GUCY2C: variants seen among roughly 807,000 people sequenced by gnomAD.
The protein encoded by GUCY2C is guanylate cyclase 2C.
A neutral mutation model predicts 131.1 loss-of-function variants in GUCY2C; 118 were observed. That is an observed-to-expected ratio of 0.90 (90% CI 0.78 to 1.05). The LOEUF (loss-of-function observed/expected upper bound fraction) is 1.05, where lower values mean the gene tolerates loss of function less well. Among genes scored for constraint, GUCY2C ranks in the 50% least tolerant of loss-of-function variants. GUCY2C has a pLI of 0.00. For synonymous variants in GUCY2C, 452 were observed against 457.8 expected (o/e 0.99, Z 0.16); for missense variants, 1,161 against 1,304.4 (o/e 0.89, Z 1.69).
chr12:14,664,126 A>G (rs563258007), intron 10 of GUCY2C, among the ~76,000 whole-genome samples: 5 of 152,276 alleles, frequency 3.3e-5, no homozygotes, highest in Non-Finnish European at 7.3e-5. Context: ...GAAATTTTCA[A>G]TGGTGAAAAT....
chr12:14,655,824 A>G (rs941450296), intron 12 of GUCY2C, among the ~76,000 whole-genome samples: 1 of 152,206 alleles, frequency 6.6e-6, no homozygotes, highest in African/African-American at 2.4e-5. Context: ...CACAGTGCTC[A>G]GGAGAAGATG....
At chr12:14,683,948 T>A (rs1415670720) in intron 3 of GUCY2C, among the ~76,000 whole-genome samples, 1 of 152,210 alleles carries the variant, frequency 6.6e-6, no homozygotes, top group Non-Finnish European at 1.5e-5. Flanking sequence ...CCCAGCATCA[T>A]ACCATTGATT....
At chr12:14,643,810 C>G in intron 16 of GUCY2C, 104 bp from the exon 17 acceptor site, 1 of 957,808 alleles carries the variant, frequency 1.0e-6, no homozygotes, top group Non-Finnish European at 1.6e-6. Context: ...AGCAGATGGT[C>G]ACACCATCAG....
At position 14,681,477 on chromosome 12, in the gene GUCY2C, C is replaced by G; in HGVS notation, c.612G>C (p.Trp204Cys). ...CGCTAGCCTCCAGAGCATTAAGGTA[C>G]CTGGAATAGGAAAAAGAGAAACTAA... is the stretch of plus-strand genomic sequence containing the variant. The part of the protein sequence containing the change: ...KNGTETEDCF[W>C]YLNALEASVS... The change falls in exon 5 of 27, where the codon TGG (tryptophan) becomes TGC (cysteine). Residue 204 changes from tryptophan to cysteine, a missense_variant and splice_region_variant. Transcript: ENST00000261170. The G allele has an allele frequency of 6.7e-7, 1 of 1,503,754 alleles. No homozygotes were observed. Among genetic ancestry groups the G allele is most frequent in the East Asian group, 2.4e-5 (1 of 40,926 alleles). The allele number at this position is 1,503,754 out of a possible 1,614,324, so 93.2% of individuals were successfully genotyped here.
intron 19 of GUCY2C, among the ~76,000 whole-genome samples, chr12:14,633,413 A>T (rs986747776): frequency 6.6e-6 from 1 of 152,196 alleles, no homozygotes; most frequent in African/African-American, 2.4e-5. Flanking sequence ...TCAGGAAAAA[A>T]GTCCTCCCCT....
chr12:14,673,251 G>C (rs1948154609), intron 8 of GUCY2C, among the ~76,000 whole-genome samples: 1 of 152,128 alleles, frequency 6.6e-6, no homozygotes, highest in South Asian at 2.1e-4. Context: ...GATTATTAGT[G>C]ACACATTTTT....
intron 11 of GUCY2C, among the ~76,000 whole-genome samples, chr12:14,658,222 T>G (rs1947798853): frequency 6.6e-6 from 1 of 152,224 alleles, no homozygotes; most frequent in Admixed American, 6.5e-5. Flanking sequence ...ATAAATCCTT[T>G]GTCCCTTTAG....
At chr12:14,652,349 A>G (rs1947680472) in intron 13 of GUCY2C, among the ~76,000 whole-genome samples, 2 of 151,764 alleles carry the variant, frequency 1.3e-5, no homozygotes, top group African/African-American at 2.4e-5. Flanking sequence ...TAATTTTTGT[A>G]TTTTTAGGAG....
chr12:14,656,169 G>A (rs1036404449), intron 12 of GUCY2C, among the ~76,000 whole-genome samples: 2 of 152,168 alleles, frequency 1.3e-5, no homozygotes, highest in African/African-American at 4.8e-5. Context: ...CCTTAGTATG[G>A]ATAGATTAGC....
rs1946690811 is a variant in GUCY2C, at chr12:14,613,365, T to G, written c.3048-74A>C. 1 of 1,122,376 alleles carries G rather than the reference T, an allele frequency of 8.9e-7. No individual in the cohort carries two copies. The highest frequency in any genetic ancestry group is 1.3e-6 in the Non-Finnish European group (1 of 741,296). 69.5% of individuals were successfully genotyped at this position (1,122,376 alleles called of 1,614,324 possible). A position where few individuals can be genotyped will look rare whatever the true frequency, so the allele number is the denominator to read the frequency against. ...AGAATATTCCTTAGCTCCAGAATAA[T>G]CAGTTCAGTTAGTCAGTTACTCTTT... On this transcript the variant is annotated intron_variant, in intron 26 of 26. Transcript: ENST00000261170. This position sits in a 1 kb window ranked among gnomAD's most constrained non-coding sequence, Gnocchi z 4.9.
chr12:14,691,351 G>A (rs1032909476), intron 1 of GUCY2C, among the ~76,000 whole-genome samples: 15 of 152,120 alleles, frequency 9.9e-5, no homozygotes, highest in Admixed American at 4.6e-4. Context: ...GAGTGTAACC[G>A]CGAGTCAGCT....
intron 19 of GUCY2C, among the ~76,000 whole-genome samples, chr12:14,629,448 T>C (rs931940286): frequency 6.6e-6 from 1 of 152,230 alleles, no homozygotes; most frequent in Admixed American, 6.5e-5. Flanking sequence ...ACCTTAGTTG[T>C]AGATTAAAAG....
intron 15 of GUCY2C, among the ~76,000 whole-genome samples, chr12:14,645,837 TG>T (rs199763182): frequency 8.4e-4 from 125 of 148,604 alleles, no homozygotes; most frequent in Middle Eastern, 3.4e-3. Context: ...TGTTTTTTTT[TG>T]TTTTGTTTTG....
intron 24 of GUCY2C, chr12:14,619,008 G>A: frequency 1.9e-6 from 1 of 515,862 alleles, no homozygotes; most frequent in Non-Finnish European, 3.4e-6. Context: ...AAAAGTGGAA[G>A]AATAAAATAA....
At chr12:14,645,025 TG>T (rs1947491875) in intron 16 of GUCY2C, among the ~76,000 whole-genome samples, 1 of 152,162 alleles carries the variant, frequency 6.6e-6, no homozygotes, top group Non-Finnish European at 1.5e-5. Context: ...AGATATATAT[TG>T]AACATGTACT....
intron 21 of GUCY2C, among the ~76,000 whole-genome samples, chr12:14,622,886 A>C (rs1946923812): frequency 6.6e-6 from 1 of 151,062 alleles, no homozygotes. Context: ...ATCAGATTCA[A>C]GATTGAAGGA....
At chr12:14,616,312 AG>A (rs1197442081) in intron 25 of GUCY2C, among the ~76,000 whole-genome samples, 1 of 152,138 alleles carries the variant, frequency 6.6e-6, no homozygotes, top group East Asian at 1.9e-4. Context: ...TGGGGGGACA[AG>A]GGTTTTGATT....
intron 9 of GUCY2C, chr12:14,672,201 G>A (rs1948127906): frequency 1.3e-5 from 2 of 152,190 alleles, no homozygotes; most frequent in Admixed American, 1.3e-4. Flanking sequence ...TACAACATTG[G>A]ATGACATGAA....
chr12:14,658,336 C>CT (rs1947800485), intron 11 of GUCY2C, among the ~76,000 whole-genome samples: 1 of 151,458 alleles, frequency 6.6e-6, no homozygotes, highest in Non-Finnish European at 1.5e-5. Flanking sequence ...TTGACTTTTC[C>CT]TTTTTTATCT....
Sources: allele counts gnomAD v4.1 joint callset (sites outside exome capture counted in the v4.1 genomes callset), GRCh38; gene constraint gnomAD v4.1.1; non-coding constraint Gnocchi (gnomAD v3.1); transcripts MANE v1.5; gene names NCBI Gene and HGNC (gene_info 2026-07-23, HGNC 2026-07-21).